Variants in ATIC observed in about 807,000 individuals in gnomAD.
ATIC encodes the protein 5-aminoimidazole-4-carboxamide ribonucleotide formyltransferase/IMP cyclohydrolase, also known as bifunctional purine biosynthesis protein ATIC.
Under a neutral mutation model 72.5 loss-of-function variants are expected in ATIC, and 64 were observed. The ratio of observed to expected loss-of-function variants is 0.88; its 90% CI spans 0.72 to 1.09. The LOEUF is 1.09. Among genes scored for constraint, ATIC ranks in the 50% least tolerant of loss-of-function variants. ATIC has a pLI of 0.00. For synonymous variants in ATIC, 281 were observed against 267.1 expected (o/e 1.05, Z -0.51); for missense variants, 787 against 732.4 (o/e 1.07, Z -0.86).
chr2:215,332,656 T>A lies in ATIC; in HGVS notation c.814+149T>A. The A allele has an allele frequency of 4.9e-6, 5 of 1,028,206 alleles. No homozygotes were observed. The South Asian group carries it at 5.1e-5, about 11-fold the overall frequency. The allele number at this position is 1,028,206 out of a possible 1,614,324, so 63.7% of individuals were successfully genotyped here. A position where few individuals can be genotyped will look rare whatever the true frequency, so the allele number is the denominator to read the frequency against. On this transcript the variant is annotated intron_variant, in intron 8 of 15. Coordinates refer to ENST00000236959, the MANE Select transcript of ATIC (RefSeq NM_004044.7). The stretch of plus-strand genomic sequence containing the variant: ...TGATAACAGTATCAATGTAATAATA[T>A]AAAATCTGATACACACACACACACA...
rs747363671 is a variant in ATIC, at chr2:215,346,891, G to A, written c.1453G>A (p.Ala485Thr). The A allele has an allele frequency of 6.2e-6, 10 of 1,614,070 alleles. No homozygotes were observed. In the East Asian group the frequency reaches 2.2e-4, roughly 36 times the overall value. Residue 485 changes from alanine (A) to threonine (T), a missense_variant, in exon 14 of 16, where the codon GCA becomes ACA. Ala to Thr is a moderately conservative substitution (Grantham distance 58, BLOSUM62 0). Coordinates refer to ENST00000236959, the MANE Select transcript of ATIC (RefSeq NM_004044.7). ...SMKFKTGVKR[A>T]EISNAIDQYV... ...GAAGTTTAAAACAGGAGTGAAGAGA[G>A]CAGAAATCTCCAATGCCATCGATCA... is the stretch of plus-strand genomic sequence containing the variant.
intron 2 of ATIC, among the ~76,000 whole-genome samples, chr2:215,316,440 A>G (rs1361663466): frequency 1.3e-5 from 2 of 152,166 alleles, no homozygotes; most frequent in African/African-American, 4.8e-5. Flanking sequence ...TTGCTGCTTT[A>G]AAGTGTTTAT....
chr2:215,367,818 T>C, the ATIC span: 2 of 1,603,762 alleles, frequency 1.2e-6, no homozygotes, highest in Non-Finnish European at 1.7e-6. Flanking sequence ...TGCATGGAAC[T>C]TGAGGAGACA....
In ATIC at chr2:215,312,121, C is replaced by G. The variant is rs1219061755; in HGVS notation, c.-22C>G. The G allele has an allele frequency of 3.3e-6, 5 of 1,529,826 alleles. No individual in the cohort carries two copies. The highest frequency in any genetic ancestry group is 2.8e-5 in the African/African-American group (2 of 72,090). The allele number at this position is 1,529,826 out of a possible 1,614,324, so 94.8% of individuals were successfully genotyped here. A position where few individuals can be genotyped will look rare whatever the true frequency, so the allele number is the denominator to read the frequency against. ...GCCGCCGCTGCTGCCTCCCGCTCGC[C>G]CTGAACCCAGTGCCTGCAGCCATGG... On this transcript the variant is annotated 5_prime_UTR_variant, in exon 1 of 16. Coordinates refer to ENST00000236959, the MANE Select transcript of ATIC (RefSeq NM_004044.7).
chr2:215,323,989 C>T (rs1337922053), intron 4 of ATIC, among the ~76,000 whole-genome samples: 1 of 152,014 alleles, frequency 6.6e-6, no homozygotes, highest in Non-Finnish European at 1.5e-5. Context: ...CTTGAACTTC[C>T]AACCTCAGTT....
chr2:215,326,171 A>G (rs201038116), intron 6 of ATIC, 33 bp downstream of exon 6: 1 of 1,613,164 alleles, frequency 6.2e-7, no homozygotes, highest in Non-Finnish European at 8.5e-7. Context: ...TGTAAGTTAC[A>G]TCCATGGAGT....
rs1437517753 is a variant in ATIC, at chr2:215,317,932, C to T, written c.147-225C>T. 2.0e-5 allele frequency among the ~76,000 whole-genome samples: 3 copies of T among 152,054 alleles called. No homozygotes were observed. In the East Asian group the frequency reaches 5.8e-4, roughly 29 times the overall value. ...AGTGCTGTAGTAGTTACCAATTATC[C>T]CTGAACATACACAACAGTTAGGAAA... On this transcript the variant is annotated intron_variant, in intron 2 of 15. Transcript: ENST00000236959.
At chr2:215,368,143 G>C in the ATIC span, 3 of 1,087,976 alleles carry the variant, frequency 2.8e-6, no homozygotes, top group East Asian at 7.7e-5. Flanking sequence ...AATTCCAGGA[G>C]GATTAAGAGG....
In ATIC at chr2:215,349,734, A is replaced by G. The variant is rs2053114808; in HGVS notation, c.*79A>G. 6.2e-7 allele frequency: 1 copy of G among 1,608,330 alleles called. No individual in the cohort carries two copies. Among genetic ancestry groups the G allele is most frequent in the Non-Finnish European group, 8.5e-7 (1 of 1,175,056 alleles). The stretch of plus-strand genomic sequence containing the variant: ...TGAAACTTTGAGGATAACTTTTTAA[A>G]AAAATAAAACAGTATCTCTTAATCA... On this transcript the variant is annotated 3_prime_UTR_variant, in exon 16 of 16. Transcript: ENST00000236959.
intron 7 of ATIC, among the ~76,000 whole-genome samples, chr2:215,331,385 T>G (rs909136642): frequency 1.3e-5 from 2 of 149,406 alleles, no homozygotes; most frequent in South Asian, 2.1e-4. Context: ...TTTTGGGTTT[T>G]TTTTTTTTTT....
intron 3 of ATIC, among the ~76,000 whole-genome samples, chr2:215,318,982 G>GCGGTTCTCCT (rs1390003054): frequency 1.3e-5 from 2 of 151,624 alleles, no homozygotes; most frequent in African/African-American, 4.9e-5. Context: ...CCAGGCTCAA[G>GCGGTTCTCCT]CAGTTCTCCC....
At chr2:215,328,791 C>G (rs184428347) in intron 7 of ATIC, among the ~76,000 whole-genome samples, 1 of 150,370 alleles carries the variant, frequency 6.7e-6, no homozygotes, top group Non-Finnish European at 1.5e-5. Flanking sequence ...GATCTTGGCT[C>G]GCTGCAAACT....
At chr2:215,319,782 C>A in intron 4 of ATIC, 51 bp downstream of exon 4, 1 of 1,412,688 alleles carries the variant, frequency 7.1e-7, no homozygotes, top group Non-Finnish European at 1.0e-6. Flanking sequence ...ACGACAAAGA[C>A]TATGCCAAAC....
chr2:215,364,453 G>A, the ATIC span: 1 of 278,736 alleles, frequency 3.6e-6, no homozygotes, highest in Admixed American at 4.8e-5. Flanking sequence ...GGCTGCCCAG[G>A]ATGGGGAGAA....
At chr2:215,360,874 A>C in the ATIC span, 1 of 152,668 alleles carries the variant, frequency 6.6e-6, no homozygotes, top group Admixed American at 6.5e-5. Flanking sequence ...GTGGAATGTA[A>C]ATCTTTTATT....
Position 215,312,403 on chromosome 2 carries a change from C to G in ATIC, c.20-95C>G, listed in dbSNP as rs1472833289. 2.5e-6 allele frequency: 4 copies of G among 1,599,222 alleles called. No homozygotes were observed. In the South Asian group the frequency reaches 3.3e-5, roughly 13 times the overall value. The stretch of plus-strand genomic sequence containing the variant: ...ACGCAGGGTCCAGGTGCTGGCCTTG[C>G]GATTCGAGAATCTCCTCCCCCAGAC... On this transcript the variant is annotated intron_variant, in intron 1 of 15. Transcript: ENST00000236959.
At chr2:215,334,453 C>T (rs1390384812) in intron 9 of ATIC, among the ~76,000 whole-genome samples, 1 of 152,124 alleles carries the variant, frequency 6.6e-6, no homozygotes, top group African/African-American at 2.4e-5. Context: ...GCCTCAGCCT[C>T]CCAGAGGGCT....
At position 215,319,751 on chromosome 2, in the gene ATIC, C is replaced by A; in HGVS notation, c.290+20C>A. The A allele has an allele frequency of 6.3e-7, 1 of 1,578,966 alleles. No homozygotes were observed. The highest frequency in any genetic ancestry group is 8.7e-7 in the Non-Finnish European group (1 of 1,148,186). Reference sequence around the variant, plus strand: ...TATAAGGTAAAAACCTGAAATTAAACTTTTAACACATTACGAACCAACGAC... The same window carrying A: ...TATAAGGTAAAAACCTGAAATTAAAATTTTAACACATTACGAACCAACGAC... On this transcript the variant is annotated intron_variant, in intron 4 of 15. Transcript: ENST00000236959.
intron 12 of ATIC, among the ~76,000 whole-genome samples, chr2:215,340,620 A>G (rs910580184): frequency 6.6e-6 from 1 of 152,108 alleles, no homozygotes; most frequent in Non-Finnish European, 1.5e-5. Context: ...AAGGTGTAGG[A>G]GGTATCTTCA....
Sources: gnomAD v4.1 joint callset for allele counts (sites outside exome capture counted in the v4.1 genomes callset) on GRCh38, gnomAD v4.1.1 for gene constraint, MANE v1.5 for transcripts, NCBI Gene and HGNC (gene_info 2026-07-23, HGNC 2026-07-21) for gene names.